Variants in ABL2 observed in about 807,000 individuals in gnomAD.
ABL2 encodes the protein tyrosine-protein kinase ABL2.
In ABL2, 49 loss-of-function variants were observed where a neutral mutation model predicts 107.7. The ratio of observed to expected loss-of-function variants is 0.45; its 90% CI spans 0.36 to 0.58. The LOEUF is 0.58. Among genes scored for constraint, ABL2 ranks in the 20% least tolerant of loss-of-function variants. ABL2 has a pLI of 0.00. For synonymous variants in ABL2, 549 were observed against 548.6 expected, an observed-to-expected ratio of 1.00 and a Z score of -0.01; for missense variants, 1,245 against 1,457.0, an observed-to-expected ratio of 0.85 and a Z score of 2.37.
Position 179,108,121 on chromosome 1 carries a change from G to A in ABL2, c.3146C>T (p.Pro1049Leu), listed in dbSNP as rs1378871681. Residue 1049 changes from proline (P) to leucine (L), a missense_variant, in exon 12 of 12, where the codon CCC becomes CTC. Physicochemically the swap from Pro to Leu is moderately conservative, Grantham distance 98 (BLOSUM62 -3). Coordinates refer to ENST00000502732, the MANE Select transcript of ABL2 (RefSeq NM_007314.4). ...PVMPPPQVPL[P>L]TSSISPAKMA... The stretch of plus-strand genomic sequence containing the variant: ...TTTGGCTGGCGAGATGGAAGATGTG[G>A]GCAGAGGCACTTGAGGTGGAGGCAT... The A allele has an allele frequency of 6.2e-7, 1 of 1,614,220 alleles. No individual in the cohort carries two copies. The highest frequency in any genetic ancestry group is 1.7e-5 in the Admixed American group (1 of 60,032).
intron 1 of ABL2, among the ~76,000 whole-genome samples, chr1:179,222,835 G>A (rs1422655591): frequency 6.6e-6 from 1 of 151,934 alleles, no homozygotes; most frequent in Admixed American, 6.6e-5. Context: ...AACAGGCCGG[G>A]CACAGTGGCT....
At chr1:179,154,260 A>C (rs1268672084) in intron 1 of ABL2, among the ~76,000 whole-genome samples, 3 of 152,224 alleles carry the variant, frequency 2.0e-5, no homozygotes, top group Non-Finnish European at 2.9e-5. Context: ...TACTTCAGAA[A>C]TTTATTCCAA....
rs1652997452 is a variant in ABL2 at position 179,100,276 on chromosome 1, A to G, written c.*7442T>C. On this transcript the variant is annotated 3_prime_UTR_variant, in exon 12 of 12. Coordinates refer to ENST00000502732, the MANE Select transcript of ABL2 (RefSeq NM_007314.4). ...GAGCTGGTTTCTCTGGCCCTCATCT[A>G]CCAGAAGCATCTCTGTCCCCTGGCG... 3 of 228,540 alleles carry G rather than the reference A, an allele frequency of 1.3e-5. No homozygotes were observed. The East Asian group carries it at 1.9e-4, about 14-fold the overall frequency. 14.2% of individuals were successfully genotyped at this position (228,540 alleles called of 1,614,324 possible).
Position 179,131,450 on chromosome 1 carries a change from A to G in ABL2, c.252T>C (p.Val84=), listed in dbSNP as rs1163150534. The G allele has an allele frequency of 1.9e-6, 3 of 1,613,966 alleles. No individual in the cohort carries two copies. Among genetic ancestry groups the G allele is most frequent in the Non-Finnish European group, 2.5e-6 (3 of 1,179,964 alleles). Residue 84 remains valine, a synonymous_variant, in exon 3 of 12, where the codon GTT becomes GTC. Coordinates refer to ENST00000502732, the MANE Select transcript of ABL2 (RefSeq NM_007314.4). The part of the protein sequence containing the change: ...EALHRPYGCD[V]EPQALNEAIR... The stretch of plus-strand genomic sequence containing the variant: ...TAGCCTCATTTAGTGCCTGGGGTTC[A>G]ACATCACAACCATAGGGACGATGCA...
At position 179,139,856 on chromosome 1, in the gene ABL2, A is replaced by G. The variant is rs140582146; in HGVS notation, c.158-6482T>C. Among the ~76,000 whole-genome samples the G allele has an allele frequency of 9.2e-5, 14 of 152,302 alleles. 1 individual carries two copies. The East Asian group carries it at 2.7e-3, about 29-fold the overall frequency. On this transcript the variant is annotated intron_variant, in intron 1 of 11. Transcript: ENST00000502732. ...GGATCTAGGTTGAATGCTCCTTATG[A>G]TAATCTAATGCCTGATGATCTGAGG...
chr1:179,134,423 ATGGAGGCTGCG>A (rs560947147), intron 1 of ABL2, among the ~76,000 whole-genome samples: 167 of 152,180 alleles, frequency 1.1e-3, no homozygotes, highest in Admixed American at 2.4e-3. Flanking sequence ...GGACTCGGCC[ATGGAGGCTGCG>A]TGGAGGCTGC....
chr1:179,187,677 T>C (rs113694198), intron 1 of ABL2, among the ~76,000 whole-genome samples: 597 of 152,356 alleles, frequency 3.9e-3, no homozygotes, highest in Non-Finnish European at 5.8e-3. Context: ...ATGTTCATTA[T>C]GAATTCATTT....
chr1:179,110,624 T>C, intron 10 of ABL2, 169 bp from the exon 11 acceptor site: 1 of 1,520,202 alleles, frequency 6.6e-7, no homozygotes, highest in Non-Finnish European at 8.8e-7. Flanking sequence ...TCGCCCAGTA[T>C]CATGTGTGTA....
chr1:179,134,914 T>C (rs1656717158), intron 1 of ABL2, among the ~76,000 whole-genome samples: 1 of 152,234 alleles, frequency 6.6e-6, no homozygotes, highest in Non-Finnish European at 1.5e-5. Flanking sequence ...ATTTTTTTGG[T>C]GGAGACGGGG....
intron 1 of ABL2, among the ~76,000 whole-genome samples, chr1:179,142,201 G>A (rs1277016746): frequency 6.6e-6 from 1 of 152,180 alleles, no homozygotes; most frequent in African/African-American, 2.4e-5. Flanking sequence ...AGAGATTTAA[G>A]ATGGGATAAG....
chr1:179,198,058 G>A (rs770695021), intron 1 of ABL2, among the ~76,000 whole-genome samples: 6 of 150,594 alleles, frequency 4.0e-5, no homozygotes, highest in Non-Finnish European at 7.4e-5. Context: ...CTATAGTCCC[G>A]GCTACTTGAC....
At chr1:179,160,509 A>T (rs1658995422) in intron 1 of ABL2, among the ~76,000 whole-genome samples, 1 of 152,200 alleles carries the variant, frequency 6.6e-6, no homozygotes, top group Non-Finnish European at 1.5e-5. Context: ...CAATTAGTAC[A>T]TATCTACATT....
At chr1:179,141,115 C>CAAAA (rs34158477) in intron 1 of ABL2, among the ~76,000 whole-genome samples, 3 of 62,916 alleles carry the variant, frequency 4.8e-5, no homozygotes, top group Non-Finnish European at 6.5e-5. Flanking sequence ...GACTCTGTCT[C>CAAAA]AAAAAAAAAA....
chr1:179,109,484 G>A, intron 11 of ABL2, 43 bp from the exon 12 acceptor site: 1 of 1,562,368 alleles, frequency 6.4e-7, no homozygotes. Context: ...GACAAGAAGT[G>A]AATCTATTAC....
At chr1:179,229,205 C>CCCCCCCCCCCCCCCA in intron 1 of ABL2, 36 bp downstream of exon 1, 2 of 1,461,766 alleles carry the variant, frequency 1.4e-6, no homozygotes, top group African/African-American at 1.5e-5. Context: ...CCCCGGCCTC[C>CCCCCCCCCCCCCCCA]CCCACGCTCT....
chr1:179,120,064 C>T, intron 6 of ABL2, 126 bp downstream of exon 6: 1 of 562,368 alleles, frequency 1.8e-6, no homozygotes, highest in Non-Finnish European at 3.1e-6. Context: ...TCAACAGCAG[C>T]CTGGACAACA....
intron 9 of ABL2, among the ~76,000 whole-genome samples, 168 bp from the exon 10 acceptor site, chr1:179,112,566 A>G (rs762289978): frequency 6.6e-6 from 1 of 152,174 alleles, no homozygotes. Context: ...ACTCAGAGGT[A>G]TAATGAACCC....
intron 1 of ABL2, among the ~76,000 whole-genome samples, chr1:179,188,679 T>C (rs2102815532): frequency 6.6e-6 from 1 of 152,346 alleles, no homozygotes; most frequent in Admixed American, 6.5e-5. Flanking sequence ...CCACGCACTA[T>C]AATGTAATTT....
At chr1:179,147,059 C>CT (rs994346358) in intron 1 of ABL2, among the ~76,000 whole-genome samples, 1 of 149,846 alleles carries the variant, frequency 6.7e-6, no homozygotes, top group African/African-American at 2.5e-5. Context: ...CAGACCCTGT[C>CT]TTTAAAAAAA....
Sources: gnomAD v4.1 joint callset for allele counts (sites outside exome capture counted in the v4.1 genomes callset) on GRCh38, gnomAD v4.1.1 for gene constraint, MANE v1.5 for transcripts, NCBI Gene and HGNC (gene_info 2026-07-23, HGNC 2026-07-21) for gene names.